The following DMD variants were observed in gnomAD, a reference collection of about 807,000 sequenced individuals.
DMD encodes dystrophin.
Under a neutral mutation model 330.1 loss-of-function variants are expected in DMD, and 63 were observed. The observed-to-expected ratio is 0.19, with a 90% confidence interval of 0.16 to 0.24. The LOEUF (loss-of-function observed/expected upper bound fraction) is 0.24. DMD is among the 10% of genes least tolerant of loss of function. The pLI is 1.00. For missense variants in DMD, 3,344 were observed against 2,684.1 expected (o/e 1.25, Z -5.43); for synonymous variants, 1,223 against 959.8 (o/e 1.27, Z -5.07).
chrX:31,984,582 T>C (rs963621479), intron 44 of DMD, among the ~76,000 whole-genome samples: 2 of 112,585 alleles, frequency 1.8e-5, no homozygotes, highest in African/African-American at 6.4e-5. Flanking sequence ...TAATTCATTT[T>C]TATTGAAAAG....
chrX:31,389,886 G>A (rs769239368), intron 60 of DMD, among the ~76,000 whole-genome samples: 1 of 111,974 alleles, frequency 8.9e-6, no homozygotes, highest in Non-Finnish European at 1.9e-5. Flanking sequence ...TCAGCTAATG[G>A]AATAAATGAT....
At chrX:31,403,490 C>T (rs1337721759) in intron 60 of DMD, among the ~76,000 whole-genome samples, 7 of 112,052 alleles carry the variant, frequency 6.2e-5, no homozygotes, top group African/African-American at 1.6e-4. Context: ...CATATTCATT[C>T]GAGAAACAAA....
At chrX:31,144,707 T>C in intron 76 of DMD, among the ~76,000 whole-genome samples, 1 of 16,948 alleles carries the variant, frequency 5.9e-5, no homozygotes, top group African/African-American at 9.5e-5. Context: ...GAGGTAAGAT[T>C]TGAGAGGACC....
intron 11 of DMD, among the ~76,000 whole-genome samples, chrX:32,628,445 G>C (rs967616374): frequency 1.9e-5 from 2 of 105,491 alleles, no homozygotes; most frequent in African/African-American, 3.5e-5. Context: ...TGTCATTTTT[G>C]TCAACCCTTT....
At chrX:33,011,381 T>C (rs1311163121) in intron 2 of DMD, among the ~76,000 whole-genome samples, 1 of 111,742 alleles carries the variant, frequency 8.9e-6, no homozygotes, top group African/African-American at 3.2e-5. Context: ...ACTTCTTTGA[T>C]TATTACACAT....
rs1556919105 is a variant in DMD, at chrX:31,822,653, G to GGTGTGTGTGTGTGTGTGTGTGTGT, written c.7201-2594_7201-2571dup. Among the ~76,000 whole-genome samples the GGTGTGTGTGTGTGTGTGTGTGTGT allele has an allele frequency of 5.7e-3, 376 of 65,778 alleles. 12 individuals carry two copies. The highest frequency in any genetic ancestry group is 8.5e-3 in the Admixed American group (37 of 4,375). The allele number at this position is 65,778 out of a possible 115,157, so 57.1% of individuals were successfully genotyped here. A position where few individuals can be genotyped will look rare whatever the true frequency, so the allele number is the denominator to read the frequency against. On this transcript the variant is annotated intron_variant, in intron 49 of 78. Coordinates refer to ENST00000357033, the MANE Select transcript of DMD (RefSeq NM_004006.3). Reference sequence around the variant, plus strand: ...TTGGCCATACAGAAAAAGGCAGAGGGGTGTGTGTGTGTGTGTGTGTGTGTG... The same window carrying GGTGTGTGTGTGTGTGTGTGTGTGT: ...TTGGCCATACAGAAAAAGGCAGAGGGGTGTGTGTGTGTGTGTGTGTGTGTGTGTGTGTGTGTGTGTGTGTGTGTG...
At chrX:32,177,511 C>T (rs183516269) in intron 44 of DMD, among the ~76,000 whole-genome samples, 1 of 111,906 alleles carries the variant, frequency 8.9e-6, no homozygotes, top group Middle Eastern at 4.6e-3. Context: ...ACCACCTTCA[C>T]GGTAGTTTTG....
chrX:32,762,741 G>T (rs1032105749), intron 7 of DMD, among the ~76,000 whole-genome samples: 2 of 110,642 alleles, frequency 1.8e-5, no homozygotes, highest in South Asian at 3.9e-4. Context: ...GCAAGCAGGG[G>T]ACAGATCACA....
Position 32,343,159 on chromosome X carries a change from T to A in DMD, c.5714A>T (p.Glu1905Val). The change falls in exon 40 of 79, where the codon GAG becomes GTG. Residue 1905 changes from glutamate (E) to valine (V), a missense_variant. Coordinates refer to ENST00000357033, the MANE Select transcript of DMD (RefSeq NM_004006.3). ...DIEKKLASLP[E>V]PRDERKIKEI... ...CTTTATTTTCCTTTCATCTCTGGGC[T>A]CAGGTAGGCTGGCTAATTTTTTTTC... The A allele has an allele frequency of 1.7e-6, 2 of 1,211,236 alleles. No individual in the cohort carries two copies. Among genetic ancestry groups the A allele is most frequent in the Non-Finnish European group, 2.2e-6 (2 of 895,111 alleles).
At chrX:31,682,199 T>C (rs2082419218) in intron 52 of DMD, among the ~76,000 whole-genome samples, 1 of 112,459 alleles carries the variant, frequency 8.9e-6, no homozygotes, top group African/African-American at 3.2e-5. Flanking sequence ...CCCAGAATAA[T>C]TAAAACTCAG....
chrX:32,482,421 G>A (rs2041989971), intron 21 of DMD, among the ~76,000 whole-genome samples: 1 of 111,373 alleles, frequency 9.0e-6, no homozygotes, highest in Non-Finnish European at 1.9e-5. Context: ...TTTTGTGACT[G>A]GCTTCTTTCA....
intron 43 of DMD, among the ~76,000 whole-genome samples, chrX:32,248,845 A>C (rs1462540923): frequency 9.0e-6 from 1 of 111,329 alleles, no homozygotes; most frequent in Non-Finnish European, 1.9e-5. Flanking sequence ...AATGAAGGTA[A>C]AGATATAGGC....
intron 2 of DMD, among the ~76,000 whole-genome samples, chrX:33,008,751 A>C (rs781285212): frequency 2.3e-4 from 15 of 66,081 alleles, no homozygotes; most frequent in Non-Finnish European, 4.3e-4. Context: ...TATACATCAG[A>C]TAAGTATTTT....
intron 44 of DMD, among the ~76,000 whole-genome samples, chrX:31,972,700 C>T (rs1441245800): frequency 9.0e-6 from 1 of 111,668 alleles, no homozygotes; most frequent in Non-Finnish European, 1.9e-5. Context: ...GAATCCAATA[C>T]TGAGATTTAC....
chrX:33,062,868 A>G (rs1469678656), intron 1 of DMD, among the ~76,000 whole-genome samples: 1 of 112,412 alleles, frequency 8.9e-6, no homozygotes, highest in Non-Finnish European at 1.9e-5. Context: ...TGCACCAAAC[A>G]TACTTGCAAT....
intron 44 of DMD, among the ~76,000 whole-genome samples, chrX:32,200,829 C>A (rs1455653939): frequency 8.9e-6 from 1 of 111,750 alleles, no homozygotes; most frequent in Non-Finnish European, 1.9e-5. Context: ...AGCTCAGTAT[C>A]TTATGTGGCT....
At chrX:31,639,357 T>C (rs2079596374) in intron 54 of DMD, among the ~76,000 whole-genome samples, 2 of 111,830 alleles carry the variant, frequency 1.8e-5, no homozygotes, top group African/African-American at 6.5e-5. Flanking sequence ...TGCATGTATG[T>C]GGAAACCCTG....
chrX:31,388,225 G>C (rs1021533890), intron 60 of DMD, among the ~76,000 whole-genome samples: 8 of 108,812 alleles, frequency 7.4e-5, no homozygotes, highest in East Asian at 2.9e-4. Context: ...GGACGGTCTC[G>C]ATCTCCTGAC....
intron 44 of DMD, among the ~76,000 whole-genome samples, chrX:32,197,852 A>G (rs1253796112): frequency 9.0e-6 from 1 of 111,169 alleles, no homozygotes. Context: ...AACACTTAAA[A>G]TCGACTCTCT....
Sources: allele counts gnomAD v4.1 joint callset (sites outside exome capture counted in the v4.1 genomes callset), GRCh38; gene constraint gnomAD v4.1.1; transcripts MANE v1.5; gene names NCBI Gene and HGNC (gene_info 2026-07-23, HGNC 2026-07-21).